SYT17: variants seen among roughly 807,000 people sequenced by gnomAD.
SYT17 encodes the protein synaptotagmin-17.
A neutral mutation model predicts 46.7 loss-of-function variants in SYT17; 22 were observed. The observed-to-expected ratio is 0.47, with a 90% CI of 0.34 to 0.67. The LOEUF is 0.67. SYT17 is among the 30% of genes least tolerant of loss of function. The pLI is 0.01. For synonymous variants in SYT17, 251 were observed against 248.4 expected (o/e 1.01, Z -0.10); for missense variants, 519 against 612.8 (o/e 0.85, Z 1.62).
intron 5 of SYT17, among the ~76,000 whole-genome samples, chr16:19,188,738 C>T (rs1392147626): frequency 2.6e-5 from 4 of 152,128 alleles, no homozygotes; most frequent in Non-Finnish European, 5.9e-5. Context: ...AGTCGTGTTC[C>T]CTCTGAAACC....
chr16:19,245,597 T>C (rs1967487835), intron 7 of SYT17, among the ~76,000 whole-genome samples: 1 of 152,230 alleles, frequency 6.6e-6, no homozygotes, highest in Non-Finnish European at 1.5e-5. Context: ...TTTAACTGCC[T>C]GAGTGTGAAG....
chr16:19,174,784 T>C (rs918228587), intron 3 of SYT17, among the ~76,000 whole-genome samples: 11 of 152,182 alleles, frequency 7.2e-5, no homozygotes, highest in African/African-American at 2.4e-4. Flanking sequence ...TGTGGAAAAG[T>C]AGTTAGGAAT....
intron 5 of SYT17, among the ~76,000 whole-genome samples, chr16:19,221,437 C>A (rs973598362): frequency 6.6e-6 from 1 of 152,080 alleles, no homozygotes; most frequent in African/African-American, 2.4e-5. Context: ...TGTGGAATAG[C>A]CTGATTCTTG....
intron 7 of SYT17, among the ~76,000 whole-genome samples, chr16:19,230,287 A>T (rs778797199): frequency 1.4e-4 from 21 of 151,994 alleles, no homozygotes; most frequent in Non-Finnish European, 2.4e-4. Flanking sequence ...AGCACCTGTA[A>T]TTCCAGCTAC....
intron 3 of SYT17, among the ~76,000 whole-genome samples, chr16:19,179,728 A>G (rs1248561088): frequency 5.3e-5 from 8 of 152,108 alleles, no homozygotes; most frequent in Admixed American, 5.2e-4. Context: ...GGTTCTCTCA[A>G]TGACTACCCT....
chr16:19,257,447 G>GA (rs1008676451), intron 7 of SYT17, among the ~76,000 whole-genome samples: 18 of 150,444 alleles, frequency 1.2e-4, no homozygotes, highest in African/African-American at 3.9e-4. Flanking sequence ...TCTGAAAGAA[G>GA]AAAAAAAAGA....
At chr16:19,258,978 TTG>T (rs1968777689) in intron 7 of SYT17, among the ~76,000 whole-genome samples, 1 of 152,216 alleles carries the variant, frequency 6.6e-6, no homozygotes, top group African/African-American at 2.4e-5. Context: ...TGTTTCCTGG[TTG>T]TGTTTCCCCA....
At chr16:19,175,517 C>T (rs1046859287) in intron 3 of SYT17, among the ~76,000 whole-genome samples, 23 of 151,884 alleles carry the variant, frequency 1.5e-4, no homozygotes, top group African/African-American at 5.6e-4. Flanking sequence ...TAGCTGGGCA[C>T]GTTGGTGCCT....
At chr16:19,233,337 G>A (rs1966773227) in intron 7 of SYT17, among the ~76,000 whole-genome samples, 1 of 152,148 alleles carries the variant, frequency 6.6e-6, no homozygotes, top group Non-Finnish European at 1.5e-5. Context: ...CAGGTCAAAT[G>A]GGTACTGGAG....
At chr16:19,215,167 C>G (rs1199474675) in intron 5 of SYT17, among the ~76,000 whole-genome samples, 1 of 152,220 alleles carries the variant, frequency 6.6e-6, no homozygotes, top group East Asian at 1.9e-4. Context: ...AGTGCTATTT[C>G]TGAAATACCA....
chr16:19,191,337 G>A (rs1023114377), intron 5 of SYT17, among the ~76,000 whole-genome samples: 3 of 152,188 alleles, frequency 2.0e-5, no homozygotes, highest in Admixed American at 6.5e-5. Context: ...GTTAGGCCAT[G>A]AGGGCAGAGC....
intron 7 of SYT17, among the ~76,000 whole-genome samples, chr16:19,227,478 G>GA (rs1381149866): frequency 6.6e-6 from 1 of 151,990 alleles, no homozygotes; most frequent in Non-Finnish European, 1.5e-5. Flanking sequence ...ACCATGCCTG[G>GA]ATAATTTTTT....
At chr16:19,174,414 G>A (rs1371954369) in intron 3 of SYT17, among the ~76,000 whole-genome samples, 2 of 152,138 alleles carry the variant, frequency 1.3e-5, no homozygotes, top group Non-Finnish European at 2.9e-5. Flanking sequence ...GGCCCAGAGA[G>A]GGAGACAGAC....
At position 19,224,712 on chromosome 16, in the gene SYT17, G is replaced by C. The variant is rs1966440256; in HGVS notation, c.1102G>C (p.Gly368Arg). ...DPFVKIQLVH[G>R]LKLVKTKKTS... Reference sequence around the variant, plus strand: ...CTTTGTGAAAATCCAGCTGGTGCATGGACTCAAACTTGTGAAAACCAAGAA... The same window carrying C: ...CTTTGTGAAAATCCAGCTGGTGCATCGACTCAAACTTGTGAAAACCAAGAA... Residue 368 changes from glycine to arginine, a missense_variant, in exon 7 of 8, where the codon GGA (glycine) becomes CGA (arginine). Transcript: ENST00000355377. 6.2e-7 allele frequency: 1 copy of C among 1,613,920 alleles called. No individual in the cohort carries two copies. Among genetic ancestry groups the C allele is most frequent in the African/African-American group, 1.3e-5 (1 of 74,908 alleles).
At chr16:19,250,972 C>T (rs936811930) in intron 7 of SYT17, among the ~76,000 whole-genome samples, 1 of 152,242 alleles carries the variant, frequency 6.6e-6, no homozygotes. Context: ...GGATCACACC[C>T]CTTCCTTCAT....
At chr16:19,205,226 A>G (rs753910546) in intron 5 of SYT17, among the ~76,000 whole-genome samples, 2 of 152,060 alleles carry the variant, frequency 1.3e-5, no homozygotes, top group African/African-American at 2.4e-5. Context: ...CAGCCCCTGT[A>G]TCTCCCTCCA....
chr16:19,168,766 A>G lies in SYT17; in HGVS notation c.15+105A>G. On this transcript the variant is annotated intron_variant, in intron 1 of 7. Coordinates refer to ENST00000355377, the MANE Select transcript of SYT17 (RefSeq NM_016524.4). This position sits in a 1 kb window ranked among gnomAD's most constrained non-coding sequence, Gnocchi z 6.9. Reference sequence around the variant, plus strand: ...GAGGGCCCACGGCTAGGCTCCCACAAACTTGCTTCGAGAAAAAGGGTGCCC... The same window carrying G: ...GAGGGCCCACGGCTAGGCTCCCACAGACTTGCTTCGAGAAAAAGGGTGCCC... 1 of 1,347,664 alleles carries G rather than the reference A, an allele frequency of 7.4e-7. No individual in the cohort carries two copies. The highest frequency in any genetic ancestry group is 9.8e-7 in the Non-Finnish European group (1 of 1,023,690). The allele number at this position is 1,347,664 out of a possible 1,614,324, so 83.5% of individuals were successfully genotyped here. A position where few individuals can be genotyped will look rare whatever the true frequency, so the allele number is the denominator to read the frequency against.
At chr16:19,250,192 C>A in intron 7 of SYT17, 1 of 1,067,282 alleles carries the variant, frequency 9.4e-7, no homozygotes, top group Non-Finnish European at 1.3e-6. Flanking sequence ...TTCTACCCAT[C>A]AGATTCTGTA....
chr16:19,207,215 G>A (rs1290832599), intron 5 of SYT17, among the ~76,000 whole-genome samples: 1 of 152,156 alleles, frequency 6.6e-6, no homozygotes, highest in African/African-American at 2.4e-5. Context: ...CTGGTGCCAT[G>A]CTTCTTGTAC....
Sources: allele counts gnomAD v4.1 joint callset (sites outside exome capture counted in the v4.1 genomes callset), GRCh38; gene constraint gnomAD v4.1.1; non-coding constraint Gnocchi (gnomAD v3.1); transcripts MANE v1.5; gene names NCBI Gene and HGNC (gene_info 2026-07-23, HGNC 2026-07-21).